Variants in ZNF678 observed in about 807,000 individuals in gnomAD.
ZNF678 encodes the protein zinc finger protein 678, also known as hypothetical protein MGC42493.
A neutral mutation model predicts 3.0 loss-of-function variants in ZNF678; 5 were observed. The observed-to-expected ratio is 1.69, with a 90% CI of 0.88 to 3.56. The LOEUF is 3.56. ZNF678 is among the 30% of genes most tolerant of loss of function. The probability of loss-of-function intolerance (pLI) is 0.00; values close to 1 mark genes in which losing one functional copy is unlikely to be tolerated. For synonymous variants in ZNF678, 218 were observed against 199.6 expected (o/e 1.09, Z -0.78); for missense variants, 593 against 605.0 (o/e 0.98, Z 0.21).
chr1:227,618,139 G>A (rs1024757748), intron 1 of ZNF678, among the ~76,000 whole-genome samples: 1 of 152,194 alleles, frequency 6.6e-6, no homozygotes, highest in Non-Finnish European at 1.5e-5. Flanking sequence ...GAGTTGCCTT[G>A]TGTTACCTTT....
At position 227,655,584 on chromosome 1, in the gene ZNF678, C is replaced by T; in HGVS notation, c.1334C>T (p.Ser445Phe). Residue 445 changes from serine to phenylalanine, a missense_variant, in exon 4 of 4, where the codon TCC becomes TTC. Ser to Phe is a radical substitution (Grantham distance 155). Transcript: ENST00000343776. ...CKECGKAFYQ[S>F]SILSKHKRIH... ...GAATGTGGCAAAGCTTTTTACCAAT[C>T]CTCAATCCTTAGTAAGCATAAGAGA... The T allele has an allele frequency of 6.2e-7, 1 of 1,610,948 alleles. No individual in the cohort carries two copies. Among genetic ancestry groups the T allele is most frequent in the Non-Finnish European group, 8.5e-7 (1 of 1,178,692 alleles).
chr1:227,563,672 G>T lies in ZNF678; in HGVS notation c.-216G>T, dbSNP rs747239194. On this transcript the variant is annotated 5_prime_UTR_variant, in exon 1 of 4. Coordinates refer to ENST00000343776, the MANE Select transcript of ZNF678 (RefSeq NM_001367909.1). ...TGTCTGGTTTCCCTGTGACCTGCAG[G>T]TACTGGGAGTTACATAGCTAAGATG... 2.3e-6 allele frequency: 3 copies of T among 1,329,374 alleles called. No individual in the cohort carries two copies. Among genetic ancestry groups the T allele is most frequent in the Admixed American group, 2.1e-5 (1 of 46,822 alleles). The allele number at this position is 1,329,374 out of a possible 1,614,324, so 82.3% of individuals were successfully genotyped here.
At chr1:227,588,654 C>T (rs1657327370) in intron 1 of ZNF678, among the ~76,000 whole-genome samples, 1 of 151,990 alleles carries the variant, frequency 6.6e-6, no homozygotes. Flanking sequence ...GTGGCATGCA[C>T]CACCATGCCC....
At chr1:227,645,442 T>G (rs1439782536) in intron 1 of ZNF678, among the ~76,000 whole-genome samples, 2 of 152,232 alleles carry the variant, frequency 1.3e-5, no homozygotes, top group African/African-American at 4.8e-5. Flanking sequence ...TTTCAAGTAC[T>G]TTTAAAATTT....
chr1:227,565,395 C>A (rs1254697208), intron 1 of ZNF678, among the ~76,000 whole-genome samples: 1 of 152,154 alleles, frequency 6.6e-6, no homozygotes, highest in Non-Finnish European at 1.5e-5. Flanking sequence ...GCTCTGTCAT[C>A]CAGGCTGCTG....
intron 1 of ZNF678, among the ~76,000 whole-genome samples, chr1:227,572,079 G>C (rs1656859651): frequency 6.6e-6 from 1 of 151,688 alleles, no homozygotes; most frequent in Non-Finnish European, 1.5e-5. Context: ...ACTTTCAAGT[G>C]GCAGTTTATC....
At chr1:227,580,859 A>G (rs944965994) in intron 1 of ZNF678, among the ~76,000 whole-genome samples, 4 of 151,772 alleles carry the variant, frequency 2.6e-5, no homozygotes, top group Non-Finnish European at 2.9e-5. Flanking sequence ...GAACTTGGGA[A>G]GCGGAGGTTG....
At chr1:227,643,445 G>C (rs1658870969) in intron 1 of ZNF678, among the ~76,000 whole-genome samples, 1 of 152,012 alleles carries the variant, frequency 6.6e-6, no homozygotes, top group Admixed American at 6.5e-5. Context: ...GAAGCCCAAG[G>C]TCCCAGCCCT....
intron 1 of ZNF678, among the ~76,000 whole-genome samples, chr1:227,633,184 G>A (rs764435462): frequency 3.3e-5 from 5 of 152,216 alleles, no homozygotes; most frequent in Non-Finnish European, 7.3e-5. Flanking sequence ...ATGGTGGACA[G>A]CAAGTGAAAG....
At chr1:227,645,123 T>A (rs888464025) in intron 1 of ZNF678, among the ~76,000 whole-genome samples, 2 of 152,224 alleles carry the variant, frequency 1.3e-5, no homozygotes, top group African/African-American at 2.4e-5. Flanking sequence ...AGCTCATTGT[T>A]CCTGTCCTGT....
intron 2 of ZNF678, among the ~76,000 whole-genome samples, chr1:227,648,958 A>G (rs932163382): frequency 6.6e-6 from 1 of 152,214 alleles, no homozygotes; most frequent in Non-Finnish European, 1.5e-5. Flanking sequence ...GTGAGATCAT[A>G]CAGTATCTGC....
intron 1 of ZNF678, among the ~76,000 whole-genome samples, chr1:227,579,703 C>T (rs1657077930): frequency 6.6e-6 from 1 of 152,130 alleles, no homozygotes; most frequent in Non-Finnish European, 1.5e-5. Context: ...GCCCCCAGGA[C>T]ACCCAAGACT....
At chr1:227,566,881 CAG>C (rs34128690) in intron 1 of ZNF678, among the ~76,000 whole-genome samples, 29,588 of 152,066 alleles carry the variant, frequency 0.19, 3,028 homozygotes, top group East Asian at 0.25. Flanking sequence ...TGATTTCAAA[CAG>C]AATCTCAGGG....
chr1:227,605,528 T>C (rs1323172700), intron 1 of ZNF678, among the ~76,000 whole-genome samples: 1 of 152,166 alleles, frequency 6.6e-6, no homozygotes, highest in East Asian at 1.9e-4. Flanking sequence ...GGAGGAAACA[T>C]TTTTTTCACT....
At chr1:227,640,926 G>A (rs1223741270) in intron 1 of ZNF678, among the ~76,000 whole-genome samples, 1 of 152,210 alleles carries the variant, frequency 6.6e-6, no homozygotes, top group Non-Finnish European at 1.5e-5. Context: ...GGAATCAAAT[G>A]GCTTGGAGGC....
intron 3 of ZNF678, among the ~76,000 whole-genome samples, chr1:227,652,797 C>T (rs1005810933): frequency 7.2e-5 from 11 of 152,096 alleles, no homozygotes; most frequent in African/African-American, 2.7e-4. Flanking sequence ...GTGTTTTCAG[C>T]ACCATCATTC....
chr1:227,577,236 C>A (rs1657009119), intron 1 of ZNF678, among the ~76,000 whole-genome samples: 1 of 152,156 alleles, frequency 6.6e-6, no homozygotes, highest in African/African-American at 2.4e-5. Context: ...GTGTACAGTT[C>A]TGTGGATATC....
At chr1:227,608,701 T>C (rs1465425731) in intron 1 of ZNF678, among the ~76,000 whole-genome samples, 1 of 152,206 alleles carries the variant, frequency 6.6e-6, no homozygotes, top group Non-Finnish European at 1.5e-5. Context: ...AAGTTTCTTC[T>C]AAGGCAACAA....
chr1:227,580,313 T>A (rs1657092778), intron 1 of ZNF678, among the ~76,000 whole-genome samples: 1 of 152,168 alleles, frequency 6.6e-6, no homozygotes, highest in African/African-American at 2.4e-5. Flanking sequence ...TTGGCTATCT[T>A]GCCCTCCCCT....
Sources: allele counts gnomAD v4.1 joint callset (sites outside exome capture counted in the v4.1 genomes callset), GRCh38; gene constraint gnomAD v4.1.1; transcripts MANE v1.5; gene names NCBI Gene and HGNC (gene_info 2026-07-23, HGNC 2026-07-21).